FBLIM1: variants seen among roughly 807,000 people sequenced by gnomAD.
FBLIM1 encodes the protein filamin binding LIM protein 1.
A neutral mutation model predicts 37.4 loss-of-function variants in FBLIM1; 29 were observed. That is an observed-to-expected ratio of 0.77 (90% confidence interval 0.58 to 1.06). The LOEUF is 1.06. Ranked by LOEUF, FBLIM1 falls within the 50% of genes least tolerant of loss-of-function variation. The pLI is 0.00. For synonymous variants in FBLIM1, 193 were observed against 199.0 expected (o/e 0.97, Z 0.25); for missense variants, 449 against 505.6 (o/e 0.89, Z 1.07).
intron 8 of FBLIM1, among the ~76,000 whole-genome samples, chr1:15,777,698 G>A (rs764455633): frequency 8.0e-5 from 12 of 150,208 alleles, no homozygotes; most frequent in East Asian, 2.0e-4. Context: ...TCAGCCTCCC[G>A]AGTAGCTGGG....
intron 2 of FBLIM1, 85 bp downstream of exon 2, chr1:15,764,770 T>C (rs771792305): frequency 6.9e-5 from 47 of 678,988 alleles, no homozygotes; most frequent in Non-Finnish European, 1.1e-4. Context: ...TGTGGCCAAG[T>C]TCCCTGGTGG....
intron 8 of FBLIM1, 42 bp from the exon 9 acceptor site, chr1:15,784,506 C>T (rs1247919559): frequency 1.3e-6 from 2 of 1,544,724 alleles, no homozygotes; most frequent in South Asian, 2.3e-5. Flanking sequence ...GCAGGCAGCG[C>T]CCAGGCCCAG....
intron 6 of FBLIM1, among the ~76,000 whole-genome samples, chr1:15,774,032 G>A (rs1018828366): frequency 6.6e-6 from 1 of 152,134 alleles, no homozygotes; most frequent in South Asian, 2.1e-4. Context: ...CTACTCAGGA[G>A]GCTGAGGCAT....
Position 15,768,572 on chromosome 1 carries a change from C to G in FBLIM1, c.483C>G (p.Pro161=). Residue 161 remains proline, a synonymous_variant, in exon 5 of 9, where the codon CCC becomes CCG. Transcript: ENST00000375766. ...CAGTCCAGCCCGGTCCCCTCAGGCC[C>G]ATGGAGGAAGAGCTGCCACCTCCCC... ...GPSVQPGPLR[P]MEEELPPPPA... The G allele has an allele frequency of 6.2e-7, 1 of 1,611,836 alleles. No individual in the cohort carries two copies. Among genetic ancestry groups the G allele is most frequent in the South Asian group, 1.1e-5 (1 of 90,688 alleles).
rs761663535 is a variant in FBLIM1, at chr1:15,774,606, C to T, written c.712-12C>T. On this transcript the variant is annotated splice_polypyrimidine_tract_variant and intron_variant, in intron 6 of 8. Coordinates refer to ENST00000375766, the MANE Select transcript of FBLIM1 (RefSeq NM_017556.4). ...GTGTCGTGGATGGTTCTGGCAGTGG[C>T]CTCTGTCCTAGGACACACTGGAGAG... The T allele has an allele frequency of 1.9e-6, 3 of 1,604,580 alleles. No individual in the cohort carries two copies.
intron 4 of FBLIM1, 123 bp downstream of exon 4, chr1:15,767,686 C>A: frequency 2.0e-6 from 1 of 498,790 alleles, no homozygotes; most frequent in South Asian, 3.4e-5. Context: ...TTCTTCTGCT[C>A]GGGGGCAGTC....
intron 5 of FBLIM1, among the ~76,000 whole-genome samples, chr1:15,769,021 G>A (rs1489178283): frequency 1.3e-5 from 2 of 152,120 alleles, no homozygotes; most frequent in Non-Finnish European, 2.9e-5. Flanking sequence ...CTGTCATTGA[G>A]CTCTCATGTA....
intron 4 of FBLIM1, 112 bp from the exon 5 acceptor site, chr1:15,768,416 T>A: frequency 1.5e-6 from 1 of 655,516 alleles, no homozygotes; most frequent in Non-Finnish European, 2.4e-6. Flanking sequence ...GGGCCTTGGT[T>A]TCCTTCTCGG....
chr1:15,773,000 T>C (rs1404874900), intron 6 of FBLIM1, among the ~76,000 whole-genome samples: 2 of 151,694 alleles, frequency 1.3e-5, no homozygotes, highest in Non-Finnish European at 2.9e-5. Flanking sequence ...TGGCCAGGCT[T>C]GTCTGGAACT....
chr1:15,784,429 A>G (rs2069725024), intron 8 of FBLIM1, 119 bp from the exon 9 acceptor site: 4 of 738,238 alleles, frequency 5.4e-6, no homozygotes, highest in Admixed American at 4.9e-5. Context: ...CCTTCCTCCC[A>G]CTTAGGAAGG....
upstream of FBLIM1, chr1:15,756,816 T>G (rs1421142858): frequency 1.3e-5 from 2 of 152,294 alleles, no homozygotes; most frequent in Non-Finnish European, 2.9e-5. Context: ...ACTAAGTCAG[T>G]GTGACCTTGA....
At position 15,774,719 on chromosome 1, in the gene FBLIM1, C is replaced by T. The variant is rs753352768; in HGVS notation, c.813C>T (p.Thr271=). The T allele has an allele frequency of 6.2e-7, 1 of 1,614,150 alleles. No individual in the cohort carries two copies. The highest frequency in any genetic ancestry group is 2.2e-5 in the East Asian group (1 of 44,880). ...ACCCCTCCTGCTTCACGTGTGTGAC[C>T]TGCGCCCGGTGCATTGGGGATGAGA... The part of the protein sequence containing the change: ...AFHPSCFTCV[T]CARCIGDESF... The change falls in exon 7 of 9, where the codon ACC becomes ACT. Residue 271 remains threonine (T), a synonymous_variant. Transcript: ENST00000375766.
intron 6 of FBLIM1, among the ~76,000 whole-genome samples, chr1:15,772,466 G>C (rs367918826): frequency 2.0e-5 from 3 of 152,262 alleles, no homozygotes; most frequent in South Asian, 2.1e-4. Flanking sequence ...ATGAGAGGGA[G>C]GGGGGAGTGG....
Position 15,784,538 on chromosome 1 carries a change from G to T in FBLIM1, c.1009-10G>T. The T allele has an allele frequency of 6.2e-7, 1 of 1,611,626 alleles. No individual in the cohort carries two copies. The highest frequency in any genetic ancestry group is 8.5e-7 in the Non-Finnish European group (1 of 1,178,262). On this transcript the variant is annotated splice_polypyrimidine_tract_variant and intron_variant, in intron 8 of 8. Coordinates refer to ENST00000375766, the MANE Select transcript of FBLIM1 (RefSeq NM_017556.4). ...CCAGGGCGGGTCAGCATGTGTCTTT[G>T]TCTCCCCAGGACTGCAGGATCCTCC...
At position 15,759,922 on chromosome 1, in the gene FBLIM1, G is replaced by C. The variant is rs898447619; in HGVS notation, c.-211+1074G>C. Among the ~76,000 whole-genome samples, 3 of 152,294 alleles carry C rather than the reference G, an allele frequency of 2.0e-5. No homozygotes were observed. The East Asian group carries it at 5.8e-4, about 29-fold the overall frequency. On this transcript the variant is annotated intron_variant, in intron 1 of 8. Coordinates refer to ENST00000375766, the MANE Select transcript of FBLIM1 (RefSeq NM_017556.4). ...TACCCAAAGGTAGACTGCTTTATCC[G>C]GTCATTAAAGAACAAAGCTGGCCGG...
intron 7 of FBLIM1, among the ~76,000 whole-genome samples, chr1:15,775,873 A>T (rs985915190): frequency 1.3e-5 from 2 of 152,094 alleles, no homozygotes; most frequent in African/African-American, 4.8e-5. Context: ...TTCCTCCAGG[A>T]TGGAGGGCAG....
chr1:15,759,579 C>T (rs1426303860), intron 1 of FBLIM1, among the ~76,000 whole-genome samples: 1 of 152,224 alleles, frequency 6.6e-6, no homozygotes, highest in Non-Finnish European at 1.5e-5. Flanking sequence ...CTGCTTCTCC[C>T]TCTCAGCTGC....
intron 5 of FBLIM1, among the ~76,000 whole-genome samples, chr1:15,769,313 C>T (rs1484311967): frequency 6.6e-6 from 1 of 151,846 alleles, no homozygotes; most frequent in African/African-American, 2.4e-5. Context: ...GCTGTCTCTA[C>T]TAAAAATACG....
intron 8 of FBLIM1, among the ~76,000 whole-genome samples, chr1:15,779,869 C>T (rs929904250): frequency 1.3e-5 from 2 of 151,852 alleles, no homozygotes; most frequent in African/African-American, 4.8e-5. Context: ...TCTTTAAATT[C>T]TTGATTTTTG....
Sources: gnomAD v4.1 joint callset for allele counts (sites outside exome capture counted in the v4.1 genomes callset) on GRCh38, gnomAD v4.1.1 for gene constraint, MANE v1.5 for transcripts, NCBI Gene and HGNC (gene_info 2026-07-23, HGNC 2026-07-21) for gene names.